MYO9B: variants seen among roughly 807,000 people sequenced by gnomAD.
MYO9B encodes the protein myosin IXB, also known as unconventional myosin-IXb.
Under a neutral mutation model 229.5 loss-of-function variants are expected in MYO9B, and 71 were observed. The observed-to-expected ratio is 0.31, with a 90% CI of 0.26 to 0.38. The LOEUF is 0.38. Among genes scored for constraint, MYO9B ranks in the 10% least tolerant of loss-of-function variants. The pLI is 1.00. For missense variants in MYO9B, 2,255 were observed against 2,920.5 expected (o/e 0.77, Z 5.25); for synonymous variants, 1,185 against 1,235.8 (o/e 0.96, Z 0.86).
At chr19:17,106,358 C>CT (rs952805529) in intron 2 of MYO9B, among the ~76,000 whole-genome samples, 154 of 152,330 alleles carry the variant, frequency 1.0e-3, no homozygotes, top group African/African-American at 3.6e-3. Flanking sequence ...AGGTGCTGGG[C>CT]TATGTGGTGG....
chr19:17,092,492 G>A (rs778857867), intron 1 of MYO9B, among the ~76,000 whole-genome samples: 3 of 152,170 alleles, frequency 2.0e-5, no homozygotes, highest in Admixed American at 6.5e-5. Context: ...TATGCTGGGC[G>A]AGGCGGCTGG....
At chr19:17,160,997 A>ATT (rs751740995) in intron 8 of MYO9B, among the ~76,000 whole-genome samples, 1 of 141,700 alleles carries the variant, frequency 7.1e-6, no homozygotes, top group Admixed American at 7.1e-5. Flanking sequence ...CGGTGCCCAG[A>ATT]TTTTTTTTTT....
At chr19:17,118,184 A>G (rs1336692144) in intron 2 of MYO9B, among the ~76,000 whole-genome samples, 1 of 151,978 alleles carries the variant, frequency 6.6e-6, no homozygotes, top group Admixed American at 6.6e-5. Context: ...CCCGGCTGCA[A>G]ATGTCAGTAG....
Position 17,159,382 on chromosome 19 carries a change from G to T in MYO9B, c.1330-13G>T. On this transcript the variant is annotated splice_polypyrimidine_tract_variant and intron_variant, in intron 7 of 39. Transcript: ENST00000682292. ...CTCCCTTTTCCTTCTCCCTCTCCTT[G>T]ACCTCCAAACAGGTGAAGCGAGAAA... The T allele has an allele frequency of 1.9e-6, 3 of 1,593,810 alleles. No homozygotes were observed. In the South Asian group the frequency reaches 3.4e-5, roughly 18 times the overall value.
Position 17,191,008 on chromosome 19 carries a change from C to T in MYO9B, c.2689-89C>T, listed in dbSNP as rs576194272. 821 of 1,361,378 alleles carry T rather than the reference C, an allele frequency of 6.0e-4. 13 individuals carry two copies. The South Asian group carries it at 0.011, about 18-fold the overall frequency. 84.3% of individuals were successfully genotyped at this position (1,361,378 alleles called of 1,614,324 possible). A position where few individuals can be genotyped will look rare whatever the true frequency, so the allele number is the denominator to read the frequency against. Reference sequence around the variant, plus strand: ...TTACCATTCCTGTCAAACCCAGCTTCACCTTAACCAGGGTCACCAGATCTC... The same window carrying T: ...TTACCATTCCTGTCAAACCCAGCTTTACCTTAACCAGGGTCACCAGATCTC... On this transcript the variant is annotated intron_variant, in intron 19 of 39. Coordinates refer to ENST00000682292, the MANE Select transcript of MYO9B (RefSeq NM_004145.4).
intron 8 of MYO9B, among the ~76,000 whole-genome samples, chr19:17,161,687 G>C (rs1318935402): frequency 6.6e-6 from 1 of 151,846 alleles, no homozygotes; most frequent in African/African-American, 2.4e-5. Context: ...ATGGTGGTGC[G>C]TGCCTGTAAT....
At chr19:17,199,493 C>A (rs896350458) in intron 24 of MYO9B, among the ~76,000 whole-genome samples, 3 of 151,696 alleles carry the variant, frequency 2.0e-5, no homozygotes, top group Non-Finnish European at 4.4e-5. Context: ...ATAAGATAAT[C>A]CTGTGTTGTT....
intron 7 of MYO9B, 87 bp from the exon 8 acceptor site, chr19:17,159,308 T>C: frequency 7.9e-7 from 1 of 1,273,840 alleles, no homozygotes; most frequent in Non-Finnish European, 1.1e-6. Context: ...TGCCTCAGGC[T>C]CCGGGCGTTG....
rs2072855327 is a variant in MYO9B at position 17,181,096 on chromosome 19, CTGCGACCCCG to C, written c.2333+57_2333+66del. On this transcript the variant is annotated intron_variant, in intron 15 of 39. Coordinates refer to ENST00000682292, the MANE Select transcript of MYO9B (RefSeq NM_004145.4). ...GTGCGACAACCGCCTCCCACTACTC[CTGCGACCCCG>C]GCGGGGCCTGCAGTCTTCCTAATTT... 2.3e-6 allele frequency: 3 copies of C among 1,291,454 alleles called. No individual in the cohort carries two copies. In the East Asian group the frequency reaches 7.1e-5, roughly 31 times the overall value. 80.0% of individuals were successfully genotyped at this position (1,291,454 alleles called of 1,614,324 possible). A position where few individuals can be genotyped will look rare whatever the true frequency, so the allele number is the denominator to read the frequency against.
intron 16 of MYO9B, chr19:17,184,594 C>A: frequency 2.5e-6 from 1 of 397,404 alleles, no homozygotes; most frequent in African/African-American, 2.0e-5. Context: ...TCCTCTCTAA[C>A]CCAGAGGAAG....
At chr19:17,179,445 T>TTA (rs2072830282) in intron 14 of MYO9B, among the ~76,000 whole-genome samples, 1 of 115,226 alleles carries the variant, frequency 8.7e-6, no homozygotes, top group African/African-American at 3.9e-5. Context: ...TTTTTTTTTT[T>TTA]AGACAGAGTC....
rs775392677 is a variant in MYO9B at position 17,206,135 on chromosome 19, G to A, written c.5240G>A (p.Arg1747Gln). Residue 1747 changes from arginine to glutamine, a missense_variant, in exon 32 of 40, where the codon CGG (arginine) becomes CAG (glutamine). By Grantham distance (43) the Arg-to-Gln change is conservative. This residue lies in a region of MYO9B where 416 missense variants were observed against 605.5 expected (regional missense o/e 0.69). Transcript: ENST00000682292. ...SGAANRTRELRQALQTDPAAV... is the reference protein window; with the variant it reads ...SGAANRTRELQQALQTDPAAV... ...GCTGCCAACCGCACTCGGGAGCTCC[G>A]GCAGGCGCTGCAGACAGGTGGGCGC... 25 of 1,606,692 alleles carry A rather than the reference G, an allele frequency of 1.6e-5. No individual in the cohort carries two copies. The highest frequency in any genetic ancestry group is 1.7e-4 in the Middle Eastern group (1 of 6,030).
chr19:17,091,070 CT>C (rs1040672393), intron 1 of MYO9B, among the ~76,000 whole-genome samples: 2 of 152,192 alleles, frequency 1.3e-5, no homozygotes, highest in African/African-American at 4.8e-5. Context: ...AGCGTGGCAC[CT>C]CACAAGCCTC....
intron 30 of MYO9B, among the ~76,000 whole-genome samples, chr19:17,204,950 G>A (rs186529081): frequency 5.6e-4 from 85 of 152,200 alleles, no homozygotes; most frequent in African/African-American, 1.8e-3. Flanking sequence ...TCGGTAGTTC[G>A]AGACCAGCCT....
At chr19:17,080,119 C>T (rs1467297528) in intron 1 of MYO9B, among the ~76,000 whole-genome samples, 1 of 152,126 alleles carries the variant, frequency 6.6e-6, no homozygotes, top group Non-Finnish European at 1.5e-5. Flanking sequence ...ATGGGTTCGT[C>T]GGAGTGATGA....
At chr19:17,134,377 G>GTTTTTTTTTTTTT (rs1568267173) in intron 2 of MYO9B, among the ~76,000 whole-genome samples, 4 of 39,732 alleles carry the variant, frequency 1.0e-4, no homozygotes, top group African/African-American at 3.8e-4. Flanking sequence ...TTTTCGTTTT[G>GTTTTTTTTTTTTT]TTTGTTTTTT....
intron 2 of MYO9B, among the ~76,000 whole-genome samples, chr19:17,137,474 C>G (rs2072285553): frequency 6.6e-6 from 1 of 152,110 alleles, no homozygotes; most frequent in Non-Finnish European, 1.5e-5. Flanking sequence ...ACCAAAAGCA[C>G]CCGGCTACTT....
At chr19:17,087,381 G>A (rs781669806) in intron 1 of MYO9B, among the ~76,000 whole-genome samples, 4 of 152,300 alleles carry the variant, frequency 2.6e-5, no homozygotes, top group South Asian at 2.1e-4. Flanking sequence ...AACTGAACAC[G>A]TTCAGAAGAA....
In MYO9B at chr19:17,202,830, T is replaced by C. The variant is rs770105060; in HGVS notation, c.4837-12T>C. 27 of 1,587,496 alleles carry C rather than the reference T, an allele frequency of 1.7e-5. No homozygotes were observed. The highest frequency in any genetic ancestry group is 2.3e-5 in the Non-Finnish European group (27 of 1,167,386). On this transcript the variant is annotated splice_polypyrimidine_tract_variant and intron_variant, in intron 28 of 39. Coordinates refer to ENST00000682292, the MANE Select transcript of MYO9B (RefSeq NM_004145.4). ...GGGGCCCCCGCCAACCTCCTCCTTGTGTTCCTCACAGCAGAGCAAAGCTCA... is the reference window on the plus strand; with the variant it reads ...GGGGCCCCCGCCAACCTCCTCCTTGCGTTCCTCACAGCAGAGCAAAGCTCA...
Sources: gnomAD v4.1 joint callset for allele counts (sites outside exome capture counted in the v4.1 genomes callset) on GRCh38, gnomAD v4.1.1 for gene constraint, gnomAD v4.1.1 regional missense constraint, MANE v1.5 for transcripts, NCBI Gene and HGNC (gene_info 2026-07-23, HGNC 2026-07-21) for gene names.